The following SNX9 variants were observed in gnomAD, a reference collection of about 807,000 sequenced individuals.
SNX9 encodes sorting nexin 9, also known as sorting nexin-9.
In SNX9, 44 loss-of-function variants were observed where a neutral mutation model predicts 89.4. The observed-to-expected ratio is 0.49, with a 90% CI of 0.39 to 0.63. SNX9 has a LOEUF of 0.63. Ranked by LOEUF, SNX9 falls within the 30% of genes least tolerant of loss-of-function variation. SNX9 has a pLI of 0.00. For missense variants in SNX9, 578 were observed against 736.1 expected, an observed-to-expected ratio of 0.79 and a Z score of 2.49; for synonymous variants, 236 against 247.8, an observed-to-expected ratio of 0.95 and a Z score of 0.45.
At chr6:157,913,352 C>T in intron 9 of SNX9, among the ~76,000 whole-genome samples, 1 of 152,000 alleles carries the variant, frequency 6.6e-6, no homozygotes, top group East Asian at 1.9e-4. Flanking sequence ...CACTCTGCCA[C>T]CCAGCCTGGA....
intron 2 of SNX9, among the ~76,000 whole-genome samples, chr6:157,871,202 A>T (rs1782402970): frequency 1.3e-5 from 2 of 152,130 alleles, no homozygotes. Context: ...TAACATGGCA[A>T]AACCTCATCT....
intron 4 of SNX9, among the ~76,000 whole-genome samples, chr6:157,875,586 C>G (rs1035553999): frequency 6.6e-6 from 1 of 152,190 alleles, no homozygotes; most frequent in Non-Finnish European, 1.5e-5. Context: ...TGCTTACACT[C>G]TCAGAGCTAG....
At chr6:157,840,075 TCGGGAAAGAGCAGACCC>T (rs1781665505) in intron 1 of SNX9, among the ~76,000 whole-genome samples, 1 of 150,680 alleles carries the variant, frequency 6.6e-6, no homozygotes, top group Non-Finnish European at 1.5e-5. Flanking sequence ...TCTTTGGATC[TCGGGAAAGAGCAGACCC>T]TCAGGCTGGT....
chr6:157,825,466 C>G (rs1562585230), intron 1 of SNX9, among the ~76,000 whole-genome samples: 1 of 152,042 alleles, frequency 6.6e-6, no homozygotes, highest in African/African-American at 2.4e-5. Flanking sequence ...TCCAAAAAAT[C>G]GAAAAGTGGT....
At chr6:157,863,296 A>C (rs192578123) in intron 1 of SNX9, among the ~76,000 whole-genome samples, 1 of 152,338 alleles carries the variant, frequency 6.6e-6, no homozygotes, top group African/African-American at 2.4e-5. Context: ...GATTATGCAC[A>C]TTGTGGGCAG....
chr6:157,876,647 A>G (rs961595956), intron 4 of SNX9, among the ~76,000 whole-genome samples: 1 of 152,260 alleles, frequency 6.6e-6, no homozygotes, highest in African/African-American at 2.4e-5. Flanking sequence ...TTATTATTCT[A>G]TACTACTTGA....
intron 4 of SNX9, among the ~76,000 whole-genome samples, chr6:157,888,653 T>C (rs1782788063): frequency 6.6e-6 from 1 of 152,184 alleles, no homozygotes; most frequent in African/African-American, 2.4e-5. Context: ...CCTTCTTCCA[T>C]ATATAAGGTA....
intron 5 of SNX9, 142 bp from the exon 6 acceptor site, chr6:157,901,756 T>A: frequency 3.5e-6 from 3 of 845,886 alleles, no homozygotes; most frequent in South Asian, 4.1e-5. Context: ...ATCCATATTA[T>A]ACTCCTATAC....
chr6:157,879,105 G>A (rs948764401), intron 4 of SNX9, among the ~76,000 whole-genome samples: 4 of 152,200 alleles, frequency 2.6e-5, no homozygotes, highest in Admixed American at 2.0e-4. Context: ...GGGCTGGTTC[G>A]GTAATGTATA....
At chr6:157,909,632 A>C in intron 7 of SNX9, 33 bp from the exon 8 acceptor site, 4 of 1,605,894 alleles carry the variant, frequency 2.5e-6, no homozygotes, top group Non-Finnish European at 3.4e-6. Context: ...TTTCCATGTA[A>C]CAAAATTACT....
intron 10 of SNX9, among the ~76,000 whole-genome samples, chr6:157,923,956 C>G (rs1157299735): frequency 1.3e-5 from 2 of 152,112 alleles, no homozygotes; most frequent in African/African-American, 4.8e-5. Flanking sequence ...TAAAACATGT[C>G]CCAGGCTGGG....
chr6:157,878,677 C>T (rs1459270154), intron 4 of SNX9, among the ~76,000 whole-genome samples: 2 of 152,144 alleles, frequency 1.3e-5, no homozygotes, highest in African/African-American at 4.8e-5. Flanking sequence ...GTGATCCGCC[C>T]ACTTCAGCCT....
At chr6:157,902,080 T>G in intron 6 of SNX9, 35 bp downstream of exon 6, 1 of 1,605,204 alleles carries the variant, frequency 6.2e-7, no homozygotes, top group South Asian at 1.1e-5. Context: ...ACCAGGGCCG[T>G]GGTAGAAGTA....
intron 1 of SNX9, among the ~76,000 whole-genome samples, chr6:157,844,887 G>A (rs6903659): frequency 0.17 from 25,141 of 151,978 alleles, 2,219 homozygotes; most frequent in African/African-American, 0.19. Context: ...GAGCCACTGC[G>A]CCTGGCCGTC....
At position 157,936,041 on chromosome 6, in the gene SNX9, G is replaced by GT; in HGVS notation, c.1443+2dup. ...AATTGCCAGTCTCGTGGCAGAACAG[G>GT]TACTAACATAATCACACAATTCCAA... is the stretch of plus-strand genomic sequence containing the variant. On this transcript the variant is annotated splice_donor_variant, in intron 14 of 17. Transcript: ENST00000392185. LOFTEE classifies it high-confidence loss of function. 6.2e-7 allele frequency: 1 copy of GT among 1,607,796 alleles called. No homozygotes were observed. Among genetic ancestry groups the GT allele is most frequent in the South Asian group, 1.1e-5 (1 of 89,658 alleles).
At chr6:157,907,459 A>G (rs1783241288) in intron 7 of SNX9, among the ~76,000 whole-genome samples, 1 of 151,882 alleles carries the variant, frequency 6.6e-6, no homozygotes, top group Non-Finnish European at 1.5e-5. Flanking sequence ...TTTTTTTTGT[A>G]TTTTATAGTA....
intron 6 of SNX9, among the ~76,000 whole-genome samples, chr6:157,904,460 A>C (rs928841244): frequency 6.6e-6 from 1 of 151,858 alleles, no homozygotes; most frequent in Non-Finnish European, 1.5e-5. Flanking sequence ...CATCTTGATG[A>C]TGCTGAAATA....
intron 12 of SNX9, among the ~76,000 whole-genome samples, chr6:157,929,242 T>C (rs557341463): frequency 4.6e-5 from 7 of 152,338 alleles, no homozygotes; most frequent in African/African-American, 1.7e-4. Context: ...TAGGCTTTCA[T>C]TCTGCTGAAG....
intron 9 of SNX9, among the ~76,000 whole-genome samples, chr6:157,915,246 T>A (rs1469499476): frequency 1.3e-5 from 2 of 152,196 alleles, no homozygotes; most frequent in African/African-American, 4.8e-5. Flanking sequence ...CCAACTTGGT[T>A]CCTTTACAAA....
Sources: allele counts gnomAD v4.1 joint callset (sites outside exome capture counted in the v4.1 genomes callset), GRCh38; gene constraint gnomAD v4.1.1; transcripts MANE v1.5; gene names NCBI Gene and HGNC (gene_info 2026-07-23, HGNC 2026-07-21).